Variants in NHSL3 observed in about 807,000 individuals in gnomAD.
NHSL3 encodes NHS like 3.
chr1:32,769,854 C>A, the NHSL3 span: 1 of 1,611,504 alleles, frequency 6.2e-7, no homozygotes, highest in Non-Finnish European at 8.5e-7. Context: ...TCTCTGCTGA[C>A]CCCACCTCCT....
the NHSL3 span, chr1:32,771,688 C>G: frequency 1.2e-6 from 2 of 1,611,700 alleles, no homozygotes; most frequent in Non-Finnish European, 1.7e-6. Context: ...AGACCCTCCT[C>G]CAGCTCCGCC....
chr1:32,766,899 G>C, the NHSL3 span, among the ~76,000 whole-genome samples: 1 of 152,252 alleles, frequency 6.6e-6, no homozygotes, highest in East Asian at 1.9e-4. Context: ...TGCAACAGGG[G>C]CCAGGGCCAG....
chr1:32,745,643 C>T, the NHSL3 span, among the ~76,000 whole-genome samples: 1 of 151,902 alleles, frequency 6.6e-6, no homozygotes, highest in African/African-American at 2.4e-5. Context: ...TTATTCACCC[C>T]TCCAAGCCTC....
chr1:32,750,944 C>T, the NHSL3 span, among the ~76,000 whole-genome samples: 23 of 151,746 alleles, frequency 1.5e-4, no homozygotes, highest in Middle Eastern at 3.4e-3. Flanking sequence ...CCCAAGTAGC[C>T]GGGACTACAG....
At chr1:32,759,921 G>C in the NHSL3 span, among the ~76,000 whole-genome samples, 2 of 152,188 alleles carry the variant, frequency 1.3e-5, no homozygotes, top group African/African-American at 4.8e-5. Context: ...GGTGTTCTGC[G>C]AGACAGTAGA....
chr1:32,751,615 G>A, the NHSL3 span, among the ~76,000 whole-genome samples: 1 of 152,132 alleles, frequency 6.6e-6, no homozygotes, highest in East Asian at 1.9e-4. Flanking sequence ...TGTCTGTGGG[G>A]CCTTCATTAA....
At chr1:32,765,868 T>C in the NHSL3 span, 7 of 1,507,730 alleles carry the variant, frequency 4.6e-6, no homozygotes, top group African/African-American at 9.7e-5. Context: ...GGATGCTCGA[T>C]GCCTCCCTTT....
At chr1:32,749,703 G>A in the NHSL3 span, among the ~76,000 whole-genome samples, 1 of 152,104 alleles carries the variant, frequency 6.6e-6, no homozygotes, top group Non-Finnish European at 1.5e-5. Flanking sequence ...CAAGGCCAAG[G>A]GAGTCTTCCC....
the NHSL3 span, chr1:32,768,067 C>T: frequency 6.2e-7 from 1 of 1,614,098 alleles, no homozygotes; most frequent in East Asian, 2.2e-5. Flanking sequence ...TCCAGAGAAA[C>T]AGAAACTGAA....
At chr1:32,760,062 G>T in the NHSL3 span, among the ~76,000 whole-genome samples, 1 of 152,212 alleles carries the variant, frequency 6.6e-6, no homozygotes, top group Non-Finnish European at 1.5e-5. Flanking sequence ...ATGTGTAATG[G>T]TTGGGGAGCG....
the NHSL3 span, among the ~76,000 whole-genome samples, chr1:32,752,136 G>A: frequency 6.6e-6 from 1 of 152,118 alleles, no homozygotes; most frequent in Non-Finnish European, 1.5e-5. Flanking sequence ...AAGTGTACAC[G>A]CAGCTTGGTA....
the NHSL3 span, among the ~76,000 whole-genome samples, chr1:32,752,211 C>T: frequency 6.6e-6 from 1 of 152,176 alleles, no homozygotes; most frequent in Non-Finnish European, 1.5e-5. Flanking sequence ...AAGGACTGCA[C>T]TGTTGTCAAC....
chr1:32,742,314 C>T, the NHSL3 span: 5 of 949,966 alleles, frequency 5.3e-6, no homozygotes, highest in East Asian at 3.4e-5. Flanking sequence ...TGCTGGAAAG[C>T]GAAGAGGCCA....
At chr1:32,743,953 C>T in the NHSL3 span, among the ~76,000 whole-genome samples, 16 of 152,326 alleles carry the variant, frequency 1.1e-4, no homozygotes, top group African/African-American at 3.4e-4. Context: ...TTACTCCAGC[C>T]TCCTATTATT....
chr1:32,772,946 G>A, the NHSL3 span: 78 of 1,561,522 alleles, frequency 5.0e-5, no homozygotes, highest in Non-Finnish European at 6.5e-5. Flanking sequence ...TCAGGGACCC[G>A]AGCAGCTCCA....
the NHSL3 span, chr1:32,770,915 C>T: frequency 6.2e-7 from 1 of 1,611,014 alleles, no homozygotes; most frequent in Non-Finnish European, 8.5e-7. The surrounding 1 kb of genome is among the most constrained non-coding windows in gnomAD (Gnocchi z 8.3). Context: ...CGGACACTTT[C>T]GCCCTCCAGT....
At chr1:32,770,573 G>A in the NHSL3 span, 1 of 1,523,978 alleles carries the variant, frequency 6.6e-7, no homozygotes, top group African/African-American at 1.4e-5. This position sits in a 1 kb window ranked among gnomAD's most constrained non-coding sequence, Gnocchi z 8.3. Context: ...GGCTCTCCCA[G>A]TGGGGGCAGC....
chr1:32,771,233 C>T, the NHSL3 span: 2 of 1,613,272 alleles, frequency 1.2e-6, no homozygotes, highest in Non-Finnish European at 1.7e-6. Flanking sequence ...CCAGCTGCCC[C>T]TGCTCTAGCC....
At chr1:32,770,729 G>T in the NHSL3 span, 1 of 1,552,918 alleles carries the variant, frequency 6.4e-7, no homozygotes. This position sits in a 1 kb window ranked among gnomAD's most constrained non-coding sequence, Gnocchi z 8.3. Flanking sequence ...GTGCCTGATG[G>T]GCCATTAGGG....
Sources: allele counts gnomAD v4.1 joint callset (sites outside exome capture counted in the v4.1 genomes callset), GRCh38; gene constraint gnomAD v4.1.1; non-coding constraint Gnocchi (gnomAD v3.1); transcripts MANE v1.5; gene names NCBI Gene and HGNC (gene_info 2026-07-23, HGNC 2026-07-21).